Variants in RADIL observed in about 807,000 individuals in gnomAD.
The protein encoded by RADIL is ras-associating and dilute domain-containing protein.
Under a neutral mutation model 97.6 loss-of-function variants are expected in RADIL, and 99 were observed. The ratio of observed to expected loss-of-function variants is 1.01; its 90% CI spans 0.86 to 1.20. The LOEUF (loss-of-function observed/expected upper bound fraction) is 1.20, where lower values mean the gene tolerates loss of function less well. Among genes scored for constraint, RADIL ranks in the 50% most tolerant of loss-of-function variants. RADIL has a pLI of 0.00. For synonymous variants in RADIL, 803 were observed against 691.8 expected, an observed-to-expected ratio of 1.16 and a Z score of -2.52; for missense variants, 1,765 against 1,498.9, an observed-to-expected ratio of 1.18 and a Z score of -2.93.
At chr7:4,874,679 G>A (rs1460569828) in intron 2 of RADIL, among the ~76,000 whole-genome samples, 3 of 152,218 alleles carry the variant, frequency 2.0e-5, no homozygotes, top group African/African-American at 7.2e-5. Context: ...GGCAGGTTTC[G>A]AAAACCGCCA....
At chr7:4,810,154 TATTTA>T (rs1292203109) in intron 9 of RADIL, among the ~76,000 whole-genome samples, 1 of 149,846 alleles carries the variant, frequency 6.7e-6, no homozygotes, top group Admixed American at 6.6e-5. Context: ...TGCCCGGCCT[TATTTA>T]TTTTCTTTTA....
chr7:4,865,371 T>G (rs1784108395), intron 2 of RADIL: 2 of 597,564 alleles, frequency 3.3e-6, no homozygotes, highest in Admixed American at 3.1e-5. Context: ...GGTTTTTTTT[T>G]GTTGTTGTTC....
At chr7:4,852,866 A>T (rs1236122426) in intron 2 of RADIL, among the ~76,000 whole-genome samples, 1 of 152,056 alleles carries the variant, frequency 6.6e-6, no homozygotes, top group African/African-American at 2.4e-5. Context: ...TTTGAACCAG[A>T]GTGATTGTTA....
intron 10 of RADIL, among the ~76,000 whole-genome samples, chr7:4,804,566 C>G (rs1005459854): frequency 2.6e-5 from 4 of 152,194 alleles, no homozygotes; most frequent in African/African-American, 9.7e-5. Flanking sequence ...GCAGGCAGAT[C>G]GCCTGAGGTC....
chr7:4,871,328 A>G (rs556731000), intron 2 of RADIL, among the ~76,000 whole-genome samples: 1 of 152,338 alleles, frequency 6.6e-6, no homozygotes, highest in South Asian at 2.1e-4. Context: ...AACAACCACA[A>G]AGAGGTTTGC....
intron 2 of RADIL, among the ~76,000 whole-genome samples, chr7:4,851,557 G>A (rs1783709418): frequency 6.6e-6 from 1 of 152,180 alleles, no homozygotes; most frequent in Non-Finnish European, 1.5e-5. Flanking sequence ...GGAGGAAGGA[G>A]GGTTCTTGTG....
intron 4 of RADIL, among the ~76,000 whole-genome samples, chr7:4,833,119 C>T (rs531192414): frequency 1.3e-5 from 2 of 152,264 alleles, no homozygotes; most frequent in East Asian, 3.9e-4. Context: ...GTGGGCCAGC[C>T]ACACAGCGAG....
chr7:4,865,384 A>G, intron 2 of RADIL: 1 of 616,518 alleles, frequency 1.6e-6, no homozygotes, highest in East Asian at 2.8e-5. Flanking sequence ...TGTTGTTCCC[A>G]AGTTTTATTC....
chr7:4,805,407 G>C, intron 10 of RADIL, 159 bp downstream of exon 10: 1 of 652,662 alleles, frequency 1.5e-6, no homozygotes, highest in African/African-American at 2.6e-5. Context: ...GATGGGGCGG[G>C]GCGGGGGGGT....
rs751187157 is a variant in RADIL at position 4,805,565 on chromosome 7, C to G, written c.2290+1G>C. 3.8e-6 allele frequency: 6 copies of G among 1,594,772 alleles called. No homozygotes were observed. In the South Asian group the frequency reaches 6.7e-5, roughly 18 times the overall value. On this transcript the variant is annotated splice_donor_variant, in intron 10 of 14. Transcript: ENST00000399583. LOFTEE classifies it high-confidence loss of function. ...CTCTCCTGCCCTGGGGCAGGGCTTACCTGACCTGAAGGCCTCGGGGCTGTC... is the reference window on the plus strand; with the variant it reads ...CTCTCCTGCCCTGGGGCAGGGCTTAGCTGACCTGAAGGCCTCGGGGCTGTC...
In RADIL at chr7:4,836,741, C is replaced by T. The variant is rs1783311947; in HGVS notation, c.536-136G>A. 3 of 1,177,704 alleles carry T rather than the reference C, an allele frequency of 2.5e-6. No homozygotes were observed. In the Admixed American group the frequency reaches 7.6e-5, roughly 30 times the overall value. 73.0% of individuals were successfully genotyped at this position (1,177,704 alleles called of 1,614,324 possible). ...TCGCCTGAGGTCAGGAGCTCGAGAC[C>T]AGCCTGGCCAACACAGTGAAACCCC... is the stretch of plus-strand genomic sequence containing the variant. On this transcript the variant is annotated intron_variant, in intron 2 of 14. Transcript: ENST00000399583.
At position 4,803,720 on chromosome 7, in the gene RADIL, G is replaced by C; in HGVS notation, c.2325C>G (p.Pro775=). ...DVLESYENPP[P]IVLPSDGFQV... ...GGAAGCCGTCGCTGGGCAGGACGAT[G>C]GGTGGGGGGTTTTCGTAGGACTCCA... is the stretch of plus-strand genomic sequence containing the variant. Residue 775 remains proline, a synonymous_variant, in exon 11 of 15, where the codon CCC becomes CCG. Transcript: ENST00000399583. 2 of 1,567,554 alleles carry C rather than the reference G, an allele frequency of 1.3e-6. No homozygotes were observed. Among genetic ancestry groups the C allele is most frequent in the Non-Finnish European group, 1.7e-6 (2 of 1,156,954 alleles).
intron 2 of RADIL, chr7:4,862,121 C>CG (rs200752176): frequency 6.2e-6 from 2 of 323,074 alleles, no homozygotes; most frequent in Non-Finnish European, 1.1e-5. Flanking sequence ...TACCGCTGCG[C>CG]GGGGGGCTAT....
intron 13 of RADIL, 96 bp downstream of exon 13, chr7:4,800,075 T>C: frequency 7.0e-7 from 1 of 1,435,782 alleles, no homozygotes; most frequent in African/African-American, 1.4e-5. Flanking sequence ...GGCCTTCCTG[T>C]AGCCACGTGG....
intron 2 of RADIL, among the ~76,000 whole-genome samples, chr7:4,875,996 T>A: frequency 6.6e-6 from 1 of 152,172 alleles, no homozygotes; most frequent in East Asian, 1.9e-4. Context: ...CACAAGTTAC[T>A]CTTTTTATTG....
Position 4,801,730 on chromosome 7 carries a change from G to A in RADIL, c.2765C>T (p.Ser922Phe), listed in dbSNP as rs769751000. Residue 922 changes from serine to phenylalanine, a missense_variant, in exon 12 of 15, where the codon TCC becomes TTC. Ser to Phe is a radical substitution (Grantham distance 155). Transcript: ENST00000399583. Reference protein sequence around the residue: ...PEPGDPDWPESGGPCGKALPE... With the variant: ...PEPGDPDWPEFGGPCGKALPE... ...GAGCGCTTTTCCACAGGGGCCGCCG[G>A]ACTCTGGCCAGTCGGGGTCCCCAGG... The A allele has an allele frequency of 3.7e-6, 6 of 1,610,660 alleles. No individual in the cohort carries two copies. In the Admixed American group the frequency reaches 6.7e-5, roughly 18 times the overall value.
At chr7:4,803,201 G>A (rs1160125870) in intron 11 of RADIL, among the ~76,000 whole-genome samples, 2 of 86,156 alleles carry the variant, frequency 2.3e-5, no homozygotes, top group African/African-American at 1.4e-4. Flanking sequence ...CCCCCTCCCC[G>A]GGTACCTCGG....
rs1305581995 is a variant in RADIL at position 4,815,238 on chromosome 7, G to GC, written c.2139+39dup. 1.3e-6 allele frequency: 2 copies of GC among 1,482,696 alleles called. No homozygotes were observed. The highest frequency in any genetic ancestry group is 1.8e-6 in the Non-Finnish European group (2 of 1,111,300). The allele number at this position is 1,482,696 out of a possible 1,614,324, so 91.8% of individuals were successfully genotyped here. On this transcript the variant is annotated intron_variant, in intron 9 of 14. Transcript: ENST00000399583. The surrounding 1 kb of genome is among the most constrained non-coding windows in gnomAD (Gnocchi z 8.0). ...CCAGGGACCCACAGCATGTGGCCCC[G>GC]CCCCTCCCCACACTCGCCGCCTCCC...
intron 9 of RADIL, chr7:4,808,682 C>A (rs1178981639): frequency 2.4e-6 from 2 of 837,680 alleles, no homozygotes; most frequent in South Asian, 1.1e-4. Flanking sequence ...GACGCCACTG[C>A]CCCCGTTCCA....
Sources: gnomAD v4.1 joint callset for allele counts (sites outside exome capture counted in the v4.1 genomes callset) on GRCh38, gnomAD v4.1.1 for gene constraint, Gnocchi (gnomAD v3.1) non-coding constraint, MANE v1.5 for transcripts, NCBI Gene and HGNC (gene_info 2026-07-23, HGNC 2026-07-21) for gene names.